LRRC71: variants seen among roughly 807,000 people sequenced by gnomAD.
LRRC71 encodes leucine-rich repeat-containing protein 71.
In LRRC71, 54 loss-of-function variants were observed where a neutral mutation model predicts 66.6. The ratio of observed to expected loss-of-function variants is 0.81; its 90% CI spans 0.65 to 1.02. LRRC71 has a LOEUF of 1.02. Ranked by LOEUF, LRRC71 falls within the 50% of genes least tolerant of loss-of-function variation. The pLI is 0.00. For synonymous variants in LRRC71, 323 were observed against 303.9 expected (o/e 1.06, Z -0.65); for missense variants, 724 against 718.0 (o/e 1.01, Z -0.10).
downstream of LRRC71, among the ~76,000 whole-genome samples, chr1:156,933,601 T>C (rs538832591): frequency 5.9e-5 from 9 of 152,326 alleles, no homozygotes; most frequent in South Asian, 1.9e-3. Flanking sequence ...AGGCTAAGCA[T>C]TGAACATGAA....
In LRRC71 at chr1:156,932,014, C is replaced by T; in HGVS notation, c.1428C>T (p.His476=). The T allele has an allele frequency of 6.3e-7, 1 of 1,593,648 alleles. No homozygotes were observed. Among genetic ancestry groups the T allele is most frequent in the Non-Finnish European group, 8.6e-7 (1 of 1,169,444 alleles). Reference sequence around the variant, plus strand: ...TGCCTGGGAACAAGGTCCTTTTGCACCTCAACCTCATCCGTATGTCTGCCA... The same window carrying T: ...TGCCTGGGAACAAGGTCCTTTTGCATCTCAACCTCATCCGTATGTCTGCCA... ...VFMPGNKVLL[H]LNLIRNRITE... is the part of the protein sequence containing the mutation. Residue 476 remains histidine, a synonymous_variant, in exon 13 of 15, where the codon CAC becomes CAT. Transcript: ENST00000337428.
chr1:156,938,366 G>A, the LRRC71 span: 1 of 1,558,740 alleles, frequency 6.4e-7, no homozygotes, highest in East Asian at 2.3e-5. Context: ...GCCCTCACAG[G>A]TTCCACACTC....
In LRRC71 at chr1:156,924,711, G is replaced by T; in HGVS notation, c.508G>T (p.Ala170Ser). Residue 170 changes from alanine to serine, a missense_variant, in exon 4 of 15, where the codon GCC becomes TCC. Transcript: ENST00000337428. ...KCLPPLTQLQ[A>S]INLWKVGLTD... ...TCTGCCCCCGCTTACCCAGCTACAG[G>T]CCATCAAGTGAGAGGCACTGAGGGG... The T allele has an allele frequency of 6.4e-7, 1 of 1,551,718 alleles. No homozygotes were observed. Among genetic ancestry groups the T allele is most frequent in the South Asian group, 1.2e-5 (1 of 84,066 alleles).
downstream of LRRC71, among the ~76,000 whole-genome samples, chr1:156,937,907 C>T (rs1257783500): frequency 6.6e-6 from 1 of 152,210 alleles, no homozygotes; most frequent in Non-Finnish European, 1.5e-5. Context: ...CCCTGCCCTG[C>T]CCCTCTTCCA....
At chr1:156,930,008 C>T (rs1038786938) in intron 11 of LRRC71, among the ~76,000 whole-genome samples, 10 of 147,726 alleles carry the variant, frequency 6.8e-5, no homozygotes, top group African/African-American at 2.5e-4. Flanking sequence ...CCCCTCCAGC[C>T]ATTTCTTTTT....
chr1:156,935,999 G>C (rs766198920), downstream of LRRC71: 1 of 1,613,120 alleles, frequency 6.2e-7, no homozygotes, highest in South Asian at 1.1e-5. Flanking sequence ...GGTTTGTACG[G>C]TTATGGTCCT....
the LRRC71 span, among the ~76,000 whole-genome samples, chr1:156,938,135 C>T: frequency 6.6e-6 from 1 of 152,114 alleles, no homozygotes. Context: ...AGGTCCCCAC[C>T]CCCAGGCCAG....
intron 1 of LRRC71, among the ~76,000 whole-genome samples, chr1:156,921,916 T>G (rs76898230): frequency 6.6e-6 from 1 of 151,914 alleles, no homozygotes; most frequent in Non-Finnish European, 1.5e-5. Flanking sequence ...AGAAACACTT[T>G]TGAGGTAGAA....
At chr1:156,928,560 T>C (rs1256467319) in intron 9 of LRRC71, among the ~76,000 whole-genome samples, 2 of 127,030 alleles carry the variant, frequency 1.6e-5, no homozygotes, top group Admixed American at 8.6e-5. Flanking sequence ...TTTCTTCTTC[T>C]TACTTTTTTT....
At chr1:156,926,329 T>TA (rs1477691729) in intron 5 of LRRC71, among the ~76,000 whole-genome samples, 14 of 152,316 alleles carry the variant, frequency 9.2e-5, no homozygotes, top group Middle Eastern at 3.4e-3. Context: ...TGGCTGCACT[T>TA]ACCTCAAGGA....
chr1:156,937,517 T>C, downstream of LRRC71: 1 of 1,510,722 alleles, frequency 6.6e-7, no homozygotes, highest in Non-Finnish European at 8.8e-7. Flanking sequence ...AGTAAGAGAA[T>C]GAGATCAGGA....
Position 156,927,817 on chromosome 1 carries a change from G to T in LRRC71, c.906+1G>T. On this transcript the variant is annotated splice_donor_variant, in intron 8 of 14. Transcript: ENST00000337428. LOFTEE classifies it high-confidence loss of function. ...CAAGGGCGCCCTGAAGCTGGCTGAG[G>T]TGGGTGTGCCGATCAGGTGGGGCAG... 6.2e-7 allele frequency: 1 copy of T among 1,613,540 alleles called. No homozygotes were observed. The highest frequency in any genetic ancestry group is 8.5e-7 in the Non-Finnish European group (1 of 1,179,712).
intron 9 of LRRC71, among the ~76,000 whole-genome samples, chr1:156,928,363 C>CTTCTTCTTCTTCTTCTTCTTCTTCTTCT (rs1653584959): frequency 2.2e-4 from 22 of 98,818 alleles, no homozygotes; most frequent in African/African-American, 9.6e-4. Flanking sequence ...CTTCTTCTTC[C>CTTCTTCTTCTTCTTCTTCTTCTTCTTCT]TCTTCTTCTT....
chr1:156,925,038 TGTGCCTGGGAAGCCTGGCTGGGC>T, intron 5 of LRRC71, 23 bp downstream of exon 5: 1 of 1,550,736 alleles, frequency 6.4e-7, no homozygotes, highest in Non-Finnish European at 8.7e-7. Flanking sequence ...GGAGGCCCCC[TGTGCCTGGGAAGCCTGGCTGGGC>T]GGGTGGTCAG....
intron 12 of LRRC71, among the ~76,000 whole-genome samples, chr1:156,931,680 C>CT (rs1238447835): frequency 2.6e-5 from 4 of 152,138 alleles, no homozygotes; most frequent in African/African-American, 9.7e-5. Context: ...CCACAGTGCT[C>CT]TGAGCTTGCC....
At position 156,924,467 on chromosome 1, in the gene LRRC71, G is replaced by T; in HGVS notation, c.354G>T (p.Glu118Asp). The T allele has an allele frequency of 6.4e-7, 1 of 1,551,310 alleles. No individual in the cohort carries two copies. The highest frequency in any genetic ancestry group is 8.7e-7 in the Non-Finnish European group (1 of 1,146,994). ...GGTCCTGCAGCCTCAATAGCCTGGAGAGCAAATACGTGTTCTTCCGGCCCA... is the reference window on the plus strand; with the variant it reads ...GGTCCTGCAGCCTCAATAGCCTGGATAGCAAATACGTGTTCTTCCGGCCCA... The part of the protein sequence containing the change: ...LSGSCSLNSL[E>D]SKYVFFRPTI... Residue 118 changes from glutamate (E) to aspartate (D), a missense_variant, in exon 3 of 15, where the codon GAG becomes GAT. Coordinates refer to ENST00000337428, the MANE Select transcript of LRRC71 (RefSeq NM_144702.3).
chr1:156,927,086 C>A, intron 5 of LRRC71, 116 bp from the exon 6 acceptor site: 1 of 818,072 alleles, frequency 1.2e-6, no homozygotes, highest in South Asian at 1.7e-5. Flanking sequence ...ATTGGGGGGG[C>A]AATCCTTTGA....
intron 9 of LRRC71, among the ~76,000 whole-genome samples, chr1:156,928,404 C>CTTCTTCTTCCTCTTA (rs1489149621): frequency 7.5e-5 from 10 of 133,500 alleles, no homozygotes; most frequent in African/African-American, 3.4e-4. Flanking sequence ...TCTTCTTCTT[C>CTTCTTCTTCCTCTTA]TTCCTCTTAT....
the LRRC71 span, chr1:156,938,628 G>T: frequency 1.9e-4 from 171 of 910,386 alleles, no homozygotes; most frequent in East Asian, 3.2e-3. Flanking sequence ...AGGAGAAAAT[G>T]GGAAGAACAA....
Sources: allele counts gnomAD v4.1 joint callset (sites outside exome capture counted in the v4.1 genomes callset), GRCh38; gene constraint gnomAD v4.1.1; transcripts MANE v1.5; gene names NCBI Gene and HGNC (gene_info 2026-07-23, HGNC 2026-07-21).